TBC1D8: variants seen among roughly 807,000 people sequenced by gnomAD.
The protein encoded by TBC1D8 is TBC1 domain family member 8.
TBC1D8 carries 65 observed loss-of-function variants against 118.8 expected under a neutral mutation model. That is an observed-to-expected ratio of 0.55 (90% CI 0.45 to 0.67). TBC1D8 has a LOEUF of 0.67. TBC1D8 is among the 30% of genes least tolerant of loss of function. The pLI is 0.00. For synonymous variants in TBC1D8, 566 were observed against 595.8 expected, an observed-to-expected ratio of 0.95 and a Z score of 0.73; for missense variants, 1,376 against 1,471.2, an observed-to-expected ratio of 0.94 and a Z score of 1.06.
intron 2 of TBC1D8, among the ~76,000 whole-genome samples, chr2:101,076,300 A>T (rs72821093): frequency 0.13 from 19,409 of 152,218 alleles, 1,390 homozygotes; most frequent in Non-Finnish European, 0.16. Context: ...TCAGGCAATG[A>T]TCATAACGGA....
At chr2:101,012,924 C>T (rs1186723137) in intron 17 of TBC1D8, among the ~76,000 whole-genome samples, 2 of 152,194 alleles carry the variant, frequency 1.3e-5, no homozygotes, top group Non-Finnish European at 2.9e-5. Context: ...TGTAAGAATC[C>T]ACTCAAACTG....
At chr2:101,090,948 G>A (rs370387878) in intron 1 of TBC1D8, among the ~76,000 whole-genome samples, 36 of 152,154 alleles carry the variant, frequency 2.4e-4, no homozygotes, top group African/African-American at 8.7e-4. Context: ...CTCCAATATG[G>A]TAGAATAATC....
chr2:101,032,684 C>A, intron 10 of TBC1D8: 1 of 316,756 alleles, frequency 3.2e-6, no homozygotes, highest in African/African-American at 2.1e-5. Flanking sequence ...GCTGTTTGTT[C>A]AAGCAGACAC....
chr2:101,078,905 C>T (rs1675056392), intron 2 of TBC1D8, among the ~76,000 whole-genome samples: 1 of 152,036 alleles, frequency 6.6e-6, no homozygotes, highest in African/African-American at 2.4e-5. Context: ...AGGATCACTA[C>T]CAGCCCCAGG....
At chr2:101,097,893 A>C (rs1676574576) in intron 1 of TBC1D8, among the ~76,000 whole-genome samples, 1 of 152,218 alleles carries the variant, frequency 6.6e-6, no homozygotes, top group Non-Finnish European at 1.5e-5. Context: ...TAAAGCCTGC[A>C]TTCAATGTGA....
chr2:101,105,421 T>C (rs531475287), intron 1 of TBC1D8, among the ~76,000 whole-genome samples: 1 of 151,848 alleles, frequency 6.6e-6, no homozygotes, highest in South Asian at 2.1e-4. Context: ...AAACCCTGTC[T>C]CTACTAAAAA....
chr2:101,104,068 G>T (rs561068677), intron 1 of TBC1D8, among the ~76,000 whole-genome samples: 2 of 152,002 alleles, frequency 1.3e-5, no homozygotes, highest in South Asian at 2.1e-4. Flanking sequence ...ACTGGAACTG[G>T]AACAACTGGA....
At chr2:101,119,568 T>C (rs1429655778) in intron 1 of TBC1D8, among the ~76,000 whole-genome samples, 1 of 152,210 alleles carries the variant, frequency 6.6e-6, no homozygotes, top group Admixed American at 6.5e-5. Context: ...AGAGCCGGCC[T>C]GGGCCCCACT....
chr2:101,059,605 A>C, intron 2 of TBC1D8, 66 bp from the exon 3 acceptor site: 1 of 1,351,246 alleles, frequency 7.4e-7, no homozygotes, highest in Admixed American at 1.8e-5. Flanking sequence ...TAGAACGTTA[A>C]CTCATTTTCC....
At chr2:101,087,150 C>A (rs148319998) in intron 2 of TBC1D8, among the ~76,000 whole-genome samples, 9 of 152,170 alleles carry the variant, frequency 5.9e-5, no homozygotes, top group Non-Finnish European at 1.0e-4. Context: ...CCTCCTGGGC[C>A]GCACGCAACC....
chr2:101,050,950 C>T (rs2105412727), intron 4 of TBC1D8, among the ~76,000 whole-genome samples: 1 of 152,266 alleles, frequency 6.6e-6, no homozygotes, highest in South Asian at 2.1e-4. Context: ...TCAGTTCTTC[C>T]CCTGTATGTG....
chr2:101,037,782 C>CT, intron 7 of TBC1D8, 74 bp from the exon 8 acceptor site: 2 of 1,586,462 alleles, frequency 1.3e-6, no homozygotes, highest in Non-Finnish European at 1.7e-6. Context: ...AGGGGACAGT[C>CT]TTTGTTTTGC....
chr2:101,035,567 G>C (rs138786683), intron 9 of TBC1D8, among the ~76,000 whole-genome samples: 1 of 152,172 alleles, frequency 6.6e-6, no homozygotes, highest in Non-Finnish European at 1.5e-5. Context: ...TCTGGTGCCC[G>C]CCATGTGTCT....
chr2:101,016,236 A>G (rs1310108338), intron 17 of TBC1D8, among the ~76,000 whole-genome samples: 1 of 152,110 alleles, frequency 6.6e-6, no homozygotes, highest in African/African-American at 2.4e-5. Context: ...AGAAAAAAAC[A>G]AACAACGCCA....
chr2:101,092,657 G>A (rs527519174), intron 1 of TBC1D8, among the ~76,000 whole-genome samples: 20 of 152,186 alleles, frequency 1.3e-4, no homozygotes, highest in African/African-American at 4.1e-4. Context: ...AGGCTTTTGT[G>A]TCCTTCGGAT....
intron 2 of TBC1D8, among the ~76,000 whole-genome samples, chr2:101,082,081 G>A (rs542726343): frequency 2.0e-5 from 3 of 152,210 alleles, no homozygotes; most frequent in South Asian, 2.1e-4. Flanking sequence ...GGAGGTTGCC[G>A]TGAACCAGTA....
chr2:101,025,883 T>G (rs1479676992), intron 15 of TBC1D8, among the ~76,000 whole-genome samples: 1 of 152,224 alleles, frequency 6.6e-6, no homozygotes, highest in East Asian at 1.9e-4. Flanking sequence ...GAAGCTGTTC[T>G]CAATTTGACA....
chr2:101,030,524 A>G (rs1166707928), intron 11 of TBC1D8, among the ~76,000 whole-genome samples: 1 of 152,218 alleles, frequency 6.6e-6, no homozygotes, highest in Non-Finnish European at 1.5e-5. Context: ...TTTAGCAAGG[A>G]TGTGGAGCAA....
chr2:101,022,488 G>A lies in TBC1D8; in HGVS notation c.2554C>T (p.Pro852Ser). ...EHMMSCYWEQPRPMASRHDPS... is the reference protein window; with the variant it reads ...EHMMSCYWEQSRPMASRHDPS... ...TCGTGGCGTGAGGCCATGGGCCTGG[G>A]CTGCTCCCAGTAACAGCTCATCATA... is the stretch of plus-strand genomic sequence containing the variant. The change falls in exon 16 of 20, where the codon CCC (proline) becomes TCC (serine). Residue 852 changes from proline (P) to serine (S), a missense_variant. By Grantham distance (74) the Pro-to-Ser change is moderately conservative (BLOSUM62 -1). Transcript: ENST00000409318. 6.2e-7 allele frequency: 1 copy of A among 1,602,362 alleles called. No homozygotes were observed. Among genetic ancestry groups the A allele is most frequent in the South Asian group, 1.1e-5 (1 of 89,202 alleles).
Sources: allele counts gnomAD v4.1 joint callset (sites outside exome capture counted in the v4.1 genomes callset), GRCh38; gene constraint gnomAD v4.1.1; transcripts MANE v1.5; gene names NCBI Gene and HGNC (gene_info 2026-07-23, HGNC 2026-07-21).